Variants in SOAT1 observed in about 807,000 individuals in gnomAD.
The protein encoded by SOAT1 is acyl-coenzyme A:cholesterol acyltransferase 1.
Under a neutral mutation model 69.5 loss-of-function variants are expected in SOAT1, and 55 were observed. The ratio of observed to expected loss-of-function variants is 0.79; its 90% CI spans 0.64 to 0.99. SOAT1 has a LOEUF of 0.99. Among genes scored for constraint, SOAT1 ranks in the 50% least tolerant of loss-of-function variants. The pLI is 0.00. For missense variants in SOAT1, 580 were observed against 669.3 expected, an observed-to-expected ratio of 0.87 and a Z score of 1.47; for synonymous variants, 231 against 224.7, an observed-to-expected ratio of 1.03 and a Z score of -0.25.
At chr1:179,339,601 C>A in intron 6 of SOAT1, 56 bp downstream of exon 6, 1 of 1,219,750 alleles carries the variant, frequency 8.2e-7, no homozygotes, top group South Asian at 1.3e-5. Context: ...TAGAGGTTTT[C>A]ACTAAATTTT....
chr1:179,325,510 A>G (rs1665758700), intron 3 of SOAT1, among the ~76,000 whole-genome samples: 1 of 152,142 alleles, frequency 6.6e-6, no homozygotes, highest in Admixed American at 6.6e-5. Context: ...TTATTTCTCT[A>G]GTCAGGCAGG....
intron 3 of SOAT1, among the ~76,000 whole-genome samples, chr1:179,328,323 A>G (rs1665856526): frequency 6.6e-6 from 1 of 152,240 alleles, no homozygotes; most frequent in Non-Finnish European, 1.5e-5. Flanking sequence ...ATAAAAGAAA[A>G]TATATTCAAA....
At chr1:179,336,001 T>C (rs1018039804) in intron 4 of SOAT1, among the ~76,000 whole-genome samples, 4 of 151,942 alleles carry the variant, frequency 2.6e-5, no homozygotes, top group African/African-American at 9.7e-5. Context: ...TTGTCTCTAC[T>C]AAAAATACAA....
rs146967292 is a variant in SOAT1, at chr1:179,349,130, A to G, written c.1314+188A>G. ...CTTTGAATGGTACTGCTTAGAAACC[A>G]CTGTGTGTACACTAGTAGGTCTAAT... On this transcript the variant is annotated intron_variant, in intron 13 of 15. Coordinates refer to ENST00000367619, the MANE Select transcript of SOAT1 (RefSeq NM_003101.6). 3.6e-4 allele frequency among the ~76,000 whole-genome samples: 55 copies of G among 152,220 alleles called. No individual in the cohort carries two copies. In the East Asian group the frequency reaches 0.01, roughly 28 times the overall value.
At chr1:179,351,544 C>A in intron 15 of SOAT1, 82 bp downstream of exon 15, 1 of 1,290,054 alleles carries the variant, frequency 7.8e-7, no homozygotes, top group Non-Finnish European at 1.1e-6. Flanking sequence ...TTGAGGAGCA[C>A]AGTAGTGGAG....
intron 6 of SOAT1, among the ~76,000 whole-genome samples, chr1:179,340,770 A>G (rs1666305390): frequency 6.6e-6 from 1 of 151,674 alleles, no homozygotes; most frequent in Admixed American, 6.6e-5. Flanking sequence ...TGAAGACTGT[A>G]TTTATCTTAG....
At chr1:179,326,550 C>CTT (rs10568516) in intron 3 of SOAT1, among the ~76,000 whole-genome samples, 25 of 106,304 alleles carry the variant, frequency 2.4e-4, no homozygotes, top group African/African-American at 7.0e-4. Flanking sequence ...AATTTCTTTT[C>CTT]TTTTTTTTTT....
At chr1:179,351,919 C>T (rs1378020168) in intron 15 of SOAT1, among the ~76,000 whole-genome samples, 2 of 151,682 alleles carry the variant, frequency 1.3e-5, no homozygotes, top group African/African-American at 2.4e-5. Context: ...GGGGTTTCAC[C>T]ATGTTAGCCA....
chr1:179,347,043 T>C (rs956582539), intron 11 of SOAT1, among the ~76,000 whole-genome samples: 10 of 152,048 alleles, frequency 6.6e-5, no homozygotes, highest in Non-Finnish European at 8.8e-5. Context: ...AGTTAAGCCA[T>C]ATATTTAGGC....
At chr1:179,342,653 T>A (rs1666381694) in intron 8 of SOAT1, among the ~76,000 whole-genome samples, 1 of 152,202 alleles carries the variant, frequency 6.6e-6, no homozygotes, top group African/African-American at 2.4e-5. Flanking sequence ...CTAGAAGTTA[T>A]CTCAGTCACA....
At chr1:179,322,565 C>T (rs570138616) in intron 2 of SOAT1, among the ~76,000 whole-genome samples, 6 of 152,130 alleles carry the variant, frequency 3.9e-5, no homozygotes, top group East Asian at 3.9e-4. Flanking sequence ...GAATTCTGTA[C>T]GGCCTTGATT....
chr1:179,343,515 C>T (rs1281689698), intron 9 of SOAT1, 75 bp from the exon 10 acceptor site: 4 of 1,363,900 alleles, frequency 2.9e-6, no homozygotes, highest in Non-Finnish European at 4.1e-6. Context: ...GACCAAAAAA[C>T]ATTAATTGTG....
chr1:179,306,830 C>CA (rs11461908), intron 2 of SOAT1, among the ~76,000 whole-genome samples: 49,157 of 95,484 alleles, frequency 0.51, 13,367 homozygotes, highest in African/African-American at 0.64. Flanking sequence ...GACTCCATCT[C>CA]AAAAAAAAAA....
At chr1:179,303,778 A>C (rs1297697810) in intron 2 of SOAT1, among the ~76,000 whole-genome samples, 2 of 152,150 alleles carry the variant, frequency 1.3e-5, no homozygotes, top group Non-Finnish European at 2.9e-5. Context: ...GCAAAGGAGG[A>C]TGAGCCAATA....
chr1:179,356,764 C>G lies in SOAT1; in HGVS notation c.*3123C>G, dbSNP rs1422761713. 6.6e-6 allele frequency: 1 copy of G among 152,028 alleles called. No individual in the cohort carries two copies. Among genetic ancestry groups the G allele is most frequent in the Non-Finnish European group, 1.5e-5 (1 of 68,056 alleles). 9.4% of individuals were successfully genotyped at this position (152,028 alleles called of 1,614,324 possible). A position where few individuals can be genotyped will look rare whatever the true frequency, so the allele number is the denominator to read the frequency against. ...CAGGCTGGTAGTAGCGTGATCATAGCTCACTGCAGTCTCAAACTCCTGGAC... is the reference window on the plus strand; with the variant it reads ...CAGGCTGGTAGTAGCGTGATCATAGGTCACTGCAGTCTCAAACTCCTGGAC... On this transcript the variant is annotated 3_prime_UTR_variant, in exon 16 of 16. Coordinates refer to ENST00000367619, the MANE Select transcript of SOAT1 (RefSeq NM_003101.6).
chr1:179,335,682 A>G (rs962582108), intron 4 of SOAT1, 25 bp downstream of exon 4: 1 of 1,602,474 alleles, frequency 6.2e-7, no homozygotes, highest in African/African-American at 1.3e-5. Flanking sequence ...TTTTCTTTTA[A>G]TGCAAACATC....
intron 10 of SOAT1, among the ~76,000 whole-genome samples, chr1:179,344,648 A>G (rs1666462967): frequency 6.6e-6 from 1 of 152,130 alleles, no homozygotes; most frequent in South Asian, 2.1e-4. Flanking sequence ...TGCTGGGATT[A>G]CAAGCGTGAG....
chr1:179,351,543 A>C, intron 15 of SOAT1, 81 bp downstream of exon 15: 1 of 1,292,622 alleles, frequency 7.7e-7, no homozygotes, highest in Non-Finnish European at 1.1e-6. Flanking sequence ...GTTGAGGAGC[A>C]CAGTAGTGGA....
chr1:179,298,178 G>T (rs979695153), intron 1 of SOAT1, among the ~76,000 whole-genome samples: 7 of 151,852 alleles, frequency 4.6e-5, no homozygotes, highest in South Asian at 4.2e-4. Flanking sequence ...TCCACCTCCG[G>T]GTTCAAGCGA....
Sources: gnomAD v4.1 joint callset for allele counts (sites outside exome capture counted in the v4.1 genomes callset) on GRCh38, gnomAD v4.1.1 for gene constraint, MANE v1.5 for transcripts, NCBI Gene and HGNC (gene_info 2026-07-23, HGNC 2026-07-21) for gene names.